Variants in PRKG1 observed in about 807,000 individuals in gnomAD.
The protein encoded by PRKG1 is protein kinase cGMP-dependent 1.
Under a neutral mutation model 88.1 loss-of-function variants are expected in PRKG1, and 35 were observed. The ratio of observed to expected loss-of-function variants is 0.40; its 90% CI spans 0.30 to 0.53. The LOEUF is 0.53. Ranked by LOEUF, PRKG1 falls within the 20% of genes least tolerant of loss-of-function variation. PRKG1 has a pLI of 0.59. For synonymous variants in PRKG1, 303 were observed against 292.5 expected (o/e 1.04, Z -0.37); for missense variants, 540 against 839.8 (o/e 0.64, Z 4.41).
intron 2 of PRKG1, among the ~76,000 whole-genome samples, chr10:51,298,701 A>C (rs1232347664): frequency 6.6e-6 from 1 of 152,244 alleles, no homozygotes. Flanking sequence ...GATGGATGAA[A>C]GAATATCATG....
intron 7 of PRKG1, among the ~76,000 whole-genome samples, chr10:52,117,196 G>GTGTGTGTGTA (rs1847709812): frequency 6.9e-6 from 1 of 145,288 alleles, no homozygotes; most frequent in African/African-American, 2.5e-5. Flanking sequence ...GTGTGTGTGT[G>GTGTGTGTGTA]TGTGTATGAT....
At chr10:52,288,682 G>C (rs1842173745) in intron 14 of PRKG1, 44 bp from the exon 15 acceptor site, 1 of 1,530,576 alleles carries the variant, frequency 6.5e-7, no homozygotes, top group African/African-American at 1.4e-5. Context: ...TTCTCATGTA[G>C]AAAATAAAAG....
chr10:52,198,163 A>G lies in PRKG1; in HGVS notation c.1076+36200A>G, dbSNP rs541888708. 2.6e-5 allele frequency among the ~76,000 whole-genome samples: 4 copies of G among 152,348 alleles called. No individual in the cohort carries two copies. The East Asian group carries it at 7.7e-4, about 29-fold the overall frequency. ...TGACTGAGCTTCTTCATCGTTTTCC[A>G]CATAGATACTCATTAAAAGTTGAAC... On this transcript the variant is annotated intron_variant, in intron 9 of 17. Coordinates refer to ENST00000373980, the MANE Select transcript of PRKG1 (RefSeq NM_006258.4).
intron 5 of PRKG1, among the ~76,000 whole-genome samples, chr10:51,914,303 A>G (rs538574493): frequency 1.3e-5 from 2 of 151,618 alleles, no homozygotes; most frequent in South Asian, 4.2e-4. Flanking sequence ...TTTTTTTCAT[A>G]GAGAAAAGTA....
chr10:52,018,273 A>G (rs898533733), intron 5 of PRKG1, among the ~76,000 whole-genome samples: 2 of 152,122 alleles, frequency 1.3e-5, no homozygotes, highest in Non-Finnish European at 1.5e-5. Context: ...TTCATTTTGC[A>G]TTTTGAAAGC....
intron 5 of PRKG1, among the ~76,000 whole-genome samples, chr10:51,918,517 T>C (rs1254657209): frequency 6.6e-6 from 1 of 152,218 alleles, no homozygotes; most frequent in Non-Finnish European, 1.5e-5. Flanking sequence ...AAAATGTATG[T>C]GCTCTGCAAA....
At chr10:51,727,764 C>T (rs1449071092) in intron 3 of PRKG1, among the ~76,000 whole-genome samples, 1 of 152,002 alleles carries the variant, frequency 6.6e-6, no homozygotes, top group Non-Finnish European at 1.5e-5. Flanking sequence ...CTGTTTAAAC[C>T]TATATTATTG....
At chr10:51,087,271 C>T (rs1209196438) in intron 1 of PRKG1, among the ~76,000 whole-genome samples, 1 of 151,550 alleles carries the variant, frequency 6.6e-6, no homozygotes, top group Non-Finnish European at 1.5e-5. Flanking sequence ...TTAGCCTTGT[C>T]TTTAATGGTC....
chr10:51,129,423 C>T (rs141822320), intron 1 of PRKG1, among the ~76,000 whole-genome samples: 55 of 150,520 alleles, frequency 3.7e-4, no homozygotes, highest in African/African-American at 1.2e-3. Flanking sequence ...CCAGCCTGTG[C>T]GATAGAGTGA....
At chr10:51,876,417 T>C (rs1233397328) in intron 4 of PRKG1, among the ~76,000 whole-genome samples, 2 of 152,220 alleles carry the variant, frequency 1.3e-5, no homozygotes, top group Non-Finnish European at 2.9e-5. Flanking sequence ...CTTGCTGTCA[T>C]AGTCTGTAGG....
At chr10:51,505,003 A>G (rs1043255520) in intron 3 of PRKG1, among the ~76,000 whole-genome samples, 5 of 152,212 alleles carry the variant, frequency 3.3e-5, no homozygotes, top group African/African-American at 9.6e-5. Context: ...AACTTCCAAC[A>G]CTATGTTGAA....
Position 52,112,814 on chromosome 10 carries a change from T to A in PRKG1, c.936-21026T>A, listed in dbSNP as rs549962029. ...ATAGGATTATCAAAGGCTCACCTGA[T>A]AAGCTTGGAGTACAAAAAACATTCT... is the stretch of plus-strand genomic sequence containing the variant. On this transcript the variant is annotated intron_variant, in intron 7 of 17. Transcript: ENST00000373980. 1.2e-4 allele frequency among the ~76,000 whole-genome samples: 18 copies of A among 152,272 alleles called. 1 individual carries two copies. In the South Asian group the frequency reaches 3.7e-3, roughly 32 times the overall value.
At chr10:51,529,044 A>T (rs1841951516) in intron 3 of PRKG1, among the ~76,000 whole-genome samples, 1 of 152,162 alleles carries the variant, frequency 6.6e-6, no homozygotes, top group South Asian at 2.1e-4. Flanking sequence ...AGAATTTCTA[A>T]GAAAATTCAG....
At chr10:51,438,199 C>CAAA (rs557801971) in intron 2 of PRKG1, among the ~76,000 whole-genome samples, 1 of 148,490 alleles carries the variant, frequency 6.7e-6, no homozygotes, top group Non-Finnish European at 1.5e-5. Context: ...TTAGACTTAC[C>CAAA]AAAAAAAAAA....
intron 3 of PRKG1, among the ~76,000 whole-genome samples, chr10:51,773,577 C>T (rs1400168084): frequency 3.3e-5 from 5 of 152,020 alleles, no homozygotes; most frequent in African/African-American, 1.2e-4. Flanking sequence ...CAGAACAAAC[C>T]TTAAGCTTTT....
At chr10:51,383,801 G>A (rs964437055) in intron 2 of PRKG1, among the ~76,000 whole-genome samples, 2 of 152,230 alleles carry the variant, frequency 1.3e-5, no homozygotes, top group Middle Eastern at 3.4e-3. Flanking sequence ...TGCTTTCTCT[G>A]TGCTGATGAA....
intron 2 of PRKG1, among the ~76,000 whole-genome samples, chr10:51,338,866 C>T: frequency 6.6e-6 from 1 of 151,928 alleles, no homozygotes; most frequent in Non-Finnish European, 1.5e-5. Context: ...CAGAATAGCC[C>T]ACAAAAGATA....
intron 2 of PRKG1, among the ~76,000 whole-genome samples, chr10:51,449,576 G>T (rs184964680): frequency 4.7e-4 from 68 of 143,448 alleles, no homozygotes; most frequent in African/African-American, 1.7e-3. Flanking sequence ...TTCCTGTGCT[G>T]CTACGGTGAT....
At position 51,851,919 on chromosome 10, in the gene PRKG1, G is replaced by A. The variant is rs527605094; in HGVS notation, c.698+47229G>A. Among the ~76,000 whole-genome samples the A allele has an allele frequency of 6.4e-4, 98 of 152,188 alleles. 1 individual carries two copies. Among genetic ancestry groups the A allele is most frequent in the Admixed American group, 6.0e-3 (91 of 15,266 alleles). On this transcript the variant is annotated intron_variant, in intron 4 of 17. Transcript: ENST00000373980. ...TCTGCAGGCTTTTGTGGCCTTAGCA[G>A]TAAAGACTGCCATGATAAATTAGTG...
Sources: allele counts gnomAD v4.1 joint callset (sites outside exome capture counted in the v4.1 genomes callset), GRCh38; gene constraint gnomAD v4.1.1; transcripts MANE v1.5; gene names NCBI Gene and HGNC (gene_info 2026-07-23, HGNC 2026-07-21).